ULK4: variants seen among roughly 807,000 people sequenced by gnomAD.
ULK4 encodes the protein inactive serine/threonine-protein kinase ULK4.
ULK4 carries 133 observed loss-of-function variants against 160.6 expected under a neutral mutation model. The observed-to-expected ratio is 0.83, with a 90% CI of 0.72 to 0.96. The LOEUF is 0.96. Among genes scored for constraint, ULK4 ranks in the 40% least tolerant of loss-of-function variants. The pLI is 0.00. For synonymous variants in ULK4, 534 were observed against 539.8 expected, an observed-to-expected ratio of 0.99 and a Z score of 0.15; for missense variants, 1,580 against 1,499.5, an observed-to-expected ratio of 1.05 and a Z score of -0.89.
At chr3:41,576,459 A>G (rs781309881) in intron 31 of ULK4, among the ~76,000 whole-genome samples, 2 of 152,214 alleles carry the variant, frequency 1.3e-5, no homozygotes, top group Non-Finnish European at 2.9e-5. Context: ...AGTCCCTGGT[A>G]CACAGTGGTC....
In ULK4 at chr3:41,710,286, C is replaced by T. The variant is rs144819516; in HGVS notation, c.2634+4951G>A. Among the ~76,000 whole-genome samples the T allele has an allele frequency of 3.4e-3, 519 of 152,202 alleles. 1 individual carries two copies. The highest frequency in any genetic ancestry group is 0.012 in the African/African-American group (494 of 41,500). The stretch of plus-strand genomic sequence containing the variant: ...ATTTTTTGATATATTTCTTCCTTCT[C>T]ATTCTCAGTGTAATAGGGAGTAATG... On this transcript the variant is annotated intron_variant, in intron 25 of 36. Transcript: ENST00000301831.
intron 35 of ULK4, among the ~76,000 whole-genome samples, chr3:41,279,931 A>T (rs563948537): frequency 2.0e-5 from 3 of 152,320 alleles, no homozygotes; most frequent in Admixed American, 1.3e-4. Context: ...GACTCAAAAT[A>T]AAGGGATGCA....
chr3:41,626,276 TTTAA>T (rs1244715438), intron 30 of ULK4, among the ~76,000 whole-genome samples: 14 of 152,212 alleles, frequency 9.2e-5, no homozygotes, highest in Non-Finnish European at 1.8e-4. Flanking sequence ...AAAAAAATTT[TTTAA>T]TTTATTTATT....
At chr3:41,762,655 C>CTTTTTT (rs35695794) in intron 21 of ULK4, among the ~76,000 whole-genome samples, 10 of 88,970 alleles carry the variant, frequency 1.1e-4, no homozygotes, top group African/African-American at 1.4e-4. Context: ...AAGTGTTACA[C>CTTTTTT]TTTTTTTTTT....
chr3:41,559,747 A>C (rs1400558992), intron 32 of ULK4, among the ~76,000 whole-genome samples: 8 of 151,310 alleles, frequency 5.3e-5, no homozygotes, highest in Non-Finnish European at 1.5e-5. Context: ...AAATTTGTTT[A>C]AGTTCTTTGC....
intron 35 of ULK4, among the ~76,000 whole-genome samples, chr3:41,335,506 A>G (rs2080534980): frequency 6.6e-6 from 1 of 152,222 alleles, no homozygotes; most frequent in East Asian, 1.9e-4. Flanking sequence ...GGAACACACT[A>G]AGAAATGGAG....
intron 17 of ULK4, among the ~76,000 whole-genome samples, chr3:41,855,447 A>G (rs75456031): frequency 0.014 from 2,188 of 152,332 alleles, 48 homozygotes; most frequent in African/African-American, 0.05. Flanking sequence ...ATCAAGGGTT[A>G]TATGACACAC....
chr3:41,597,503 G>A lies in ULK4; in HGVS notation c.3120+18166C>T, dbSNP rs139496884. Reference sequence around the variant, plus strand: ...GCCCATCCCAGGTTGGGTCTTTTAGGCAGATAGTCCAGGCACCTATAGAAT... The same window carrying A: ...GCCCATCCCAGGTTGGGTCTTTTAGACAGATAGTCCAGGCACCTATAGAAT... On this transcript the variant is annotated intron_variant, in intron 31 of 36. Coordinates refer to ENST00000301831, the MANE Select transcript of ULK4 (RefSeq NM_017886.4). 8.6e-3 allele frequency among the ~76,000 whole-genome samples: 1,316 copies of A among 152,232 alleles called. 70 individuals are homozygous for A. Among genetic ancestry groups the A allele is most frequent in the Admixed American group, 0.078 (1,190 of 15,288 alleles).
chr3:41,517,321 G>A (rs1331009874), intron 32 of ULK4, among the ~76,000 whole-genome samples: 2 of 152,144 alleles, frequency 1.3e-5, no homozygotes, highest in African/African-American at 4.8e-5. Context: ...CAATATAATA[G>A]TATTAAAAGG....
chr3:41,349,654 A>C (rs1397946647), intron 35 of ULK4, among the ~76,000 whole-genome samples: 1 of 152,200 alleles, frequency 6.6e-6, no homozygotes, highest in Non-Finnish European at 1.5e-5. Context: ...TGAACTCTAG[A>C]AAAGGCAAAG....
At chr3:41,927,211 G>T (rs1362047442) in intron 5 of ULK4, among the ~76,000 whole-genome samples, 1 of 152,166 alleles carries the variant, frequency 6.6e-6, no homozygotes, top group Non-Finnish European at 1.5e-5. Flanking sequence ...TTAAAGAAAA[G>T]AATTTTCAAC....
At chr3:41,914,590 G>A (rs1698905709) in intron 8 of ULK4, among the ~76,000 whole-genome samples, 1 of 152,042 alleles carries the variant, frequency 6.6e-6, no homozygotes, top group South Asian at 2.1e-4. Flanking sequence ...AACTAACCAA[G>A]TAAACCCAAA....
intron 36 of ULK4, among the ~76,000 whole-genome samples, chr3:41,248,674 CAG>C (rs767728010): frequency 6.6e-6 from 1 of 152,186 alleles, no homozygotes; most frequent in Non-Finnish European, 1.5e-5. Flanking sequence ...GTTCTAAAAA[CAG>C]AATCTACCAG....
At chr3:41,465,892 T>A (rs1463787751) in intron 32 of ULK4, among the ~76,000 whole-genome samples, 1 of 152,164 alleles carries the variant, frequency 6.6e-6, no homozygotes, top group Non-Finnish European at 1.5e-5. Context: ...GTTTACCAGT[T>A]TCAGAACAAT....
chr3:41,481,641 A>C (rs912841064), intron 32 of ULK4, among the ~76,000 whole-genome samples: 1 of 151,314 alleles, frequency 6.6e-6, no homozygotes, highest in African/African-American at 2.4e-5. Context: ...TCCCGGCTAA[A>C]ACGGTGAAAC....
chr3:41,529,647 G>C (rs2086234316), intron 32 of ULK4, among the ~76,000 whole-genome samples: 1 of 152,036 alleles, frequency 6.6e-6, no homozygotes, highest in Non-Finnish European at 1.5e-5. Context: ...ACCCTGCCCG[G>C]CTTTTTCTTT....
chr3:41,889,516 C>T (rs761990443), intron 16 of ULK4, among the ~76,000 whole-genome samples: 6 of 152,098 alleles, frequency 3.9e-5, no homozygotes, highest in Non-Finnish European at 8.8e-5. Context: ...GAGGGAACAA[C>T]AGACACCGGG....
intron 34 of ULK4, among the ~76,000 whole-genome samples, chr3:41,405,688 T>C (rs374200080): frequency 1.3e-5 from 2 of 152,212 alleles, no homozygotes; most frequent in South Asian, 2.1e-4. Context: ...TGGTATCTCA[T>C]TGTGGTTTTG....
intron 18 of ULK4, among the ~76,000 whole-genome samples, chr3:41,819,828 G>A (rs187741593): frequency 6.6e-6 from 1 of 152,246 alleles, no homozygotes; most frequent in Admixed American, 6.5e-5. Context: ...GATAATTGTA[G>A]ATGATAATAC....
Sources: allele counts gnomAD v4.1 joint callset (sites outside exome capture counted in the v4.1 genomes callset), GRCh38; gene constraint gnomAD v4.1.1; transcripts MANE v1.5; gene names NCBI Gene and HGNC (gene_info 2026-07-23, HGNC 2026-07-21).